Variants in FHIT observed in about 807,000 individuals in gnomAD.
FHIT encodes the protein fragile histidine triad diadenosine triphosphatase.
In FHIT, 19 loss-of-function variants were observed where a neutral mutation model predicts 17.9. That is an observed-to-expected ratio of 1.06 (90% CI 0.74 to 1.56). The LOEUF is 1.56. Ranked by LOEUF, FHIT falls within the 40% of genes most tolerant of loss-of-function variation. The pLI, the probability that FHIT is intolerant of heterozygous loss-of-function variation, is 0.00. For missense variants in FHIT, 248 were observed against 189.2 expected (o/e 1.31, Z -1.82); for synonymous variants, 81 against 69.7 (o/e 1.16, Z -0.81).
intron 2 of FHIT, among the ~76,000 whole-genome samples, chr3:61,068,761 C>G (rs1371605695): frequency 6.6e-6 from 1 of 152,054 alleles, no homozygotes; most frequent in East Asian, 1.9e-4. Context: ...ATAAGAGAAC[C>G]AGAAGACTCT....
chr3:60,802,638 A>G (rs1469973467), intron 4 of FHIT, among the ~76,000 whole-genome samples: 2 of 152,186 alleles, frequency 1.3e-5, no homozygotes, highest in East Asian at 3.8e-4. Flanking sequence ...AAAAGCAAAG[A>G]AAAAAGAAAC....
chr3:60,217,733 C>G (rs975187030), intron 5 of FHIT, among the ~76,000 whole-genome samples: 13 of 152,126 alleles, frequency 8.5e-5, no homozygotes, highest in Non-Finnish European at 1.8e-4. Flanking sequence ...CCAAATGCAT[C>G]AAATTTCTCC....
chr3:60,506,450 C>T (rs1385027195), intron 5 of FHIT, among the ~76,000 whole-genome samples: 1 of 152,218 alleles, frequency 6.6e-6, no homozygotes, highest in Admixed American at 6.5e-5. Flanking sequence ...GGCAGATAAT[C>T]ATTTGTCTGA....
At chr3:60,737,416 T>C (rs1366428158) in intron 4 of FHIT, among the ~76,000 whole-genome samples, 1 of 152,258 alleles carries the variant, frequency 6.6e-6, no homozygotes, top group Non-Finnish European at 1.5e-5. Context: ...GAATTTTATA[T>C]TGTGAAGAAA....
chr3:60,401,121 C>T (rs773337537), intron 5 of FHIT, among the ~76,000 whole-genome samples: 16 of 152,082 alleles, frequency 1.1e-4, no homozygotes, highest in Non-Finnish European at 1.9e-4. Context: ...CTATCCATGA[C>T]TAAAGACATT....
At chr3:60,366,636 C>A (rs1183644471) in intron 5 of FHIT, among the ~76,000 whole-genome samples, 1 of 152,118 alleles carries the variant, frequency 6.6e-6, no homozygotes. Context: ...TAAAAGCAAG[C>A]TTTCTCTCAC....
At chr3:61,197,841 G>A (rs930608747) in intron 2 of FHIT, among the ~76,000 whole-genome samples, 3 of 152,070 alleles carry the variant, frequency 2.0e-5, no homozygotes, top group East Asian at 2.0e-4. Context: ...TGACTTCTCC[G>A]CTTCTCTTCT....
At chr3:60,077,841 TTAAA>T (rs1703101254) in intron 5 of FHIT, among the ~76,000 whole-genome samples, 3 of 152,144 alleles carry the variant, frequency 2.0e-5, no homozygotes, top group East Asian at 3.9e-4. Flanking sequence ...GAGTTTTTTG[TTAAA>T]TAAGTAGATT....
Position 60,254,068 on chromosome 3 carries a change from T to C in FHIT, c.104-239916A>G, listed in dbSNP as rs530836289. Among the ~76,000 whole-genome samples the C allele has an allele frequency of 4.6e-5, 7 of 152,288 alleles. No homozygotes were observed. The East Asian group carries it at 7.7e-4, about 17-fold the overall frequency. On this transcript the variant is annotated intron_variant, in intron 5 of 9. Transcript: ENST00000492590. ...TTTATCATATCTGCTTTCTCTCTTT[T>C]ACACACACAGACACACATATAGGCA...
intron 5 of FHIT, among the ~76,000 whole-genome samples, chr3:60,153,430 C>T (rs974715801): frequency 1.3e-5 from 2 of 150,744 alleles, no homozygotes; most frequent in Non-Finnish European, 2.9e-5. Context: ...GCTGAGCCCA[C>T]CTGTTTGGTT....
chr3:59,990,860 G>C (rs1709196910), intron 7 of FHIT, among the ~76,000 whole-genome samples: 1 of 152,050 alleles, frequency 6.6e-6, no homozygotes, highest in Admixed American at 6.6e-5. Flanking sequence ...TCATTATAGA[G>C]CTTTTGCCAT....
intron 2 of FHIT, among the ~76,000 whole-genome samples, chr3:61,158,685 C>T (rs1354146368): frequency 6.6e-6 from 1 of 152,154 alleles, no homozygotes; most frequent in Admixed American, 6.5e-5. Flanking sequence ...ATTTTGAGGA[C>T]ATTTTTACAA....
At chr3:60,418,342 A>C (rs1702326157) in intron 5 of FHIT, among the ~76,000 whole-genome samples, 1 of 144,692 alleles carries the variant, frequency 6.9e-6, no homozygotes, top group African/African-American at 2.5e-5. Context: ...ATATTAATAC[A>C]TATACAAACC....
intron 1 of FHIT, among the ~76,000 whole-genome samples, chr3:61,249,933 AACACACACACACACACACAC>A (rs71100943): frequency 0.034 from 4,257 of 126,118 alleles, 78 homozygotes; most frequent in Non-Finnish European, 0.048. Flanking sequence ...AATCAATAAC[AACACACACACACACACACAC>A]ACACACACAC....
chr3:60,179,607 C>G (rs778719049), intron 5 of FHIT, among the ~76,000 whole-genome samples: 5 of 151,692 alleles, frequency 3.3e-5, no homozygotes, highest in Non-Finnish European at 7.4e-5. Context: ...GACAGGAAAA[C>G]TTATAAGAAA....
At chr3:60,169,961 A>T (rs1701345320) in intron 5 of FHIT, among the ~76,000 whole-genome samples, 1 of 152,238 alleles carries the variant, frequency 6.6e-6, no homozygotes, top group Non-Finnish European at 1.5e-5. Context: ...ATGACAATGT[A>T]GCACATGGAA....
intron 5 of FHIT, among the ~76,000 whole-genome samples, chr3:60,351,750 GCT>G (rs1481278193): frequency 1.8e-4 from 28 of 152,154 alleles, no homozygotes; most frequent in African/African-American, 6.0e-4. Context: ...CTAGTACTCA[GCT>G]CGCAAGGAAA....
At chr3:60,039,752 C>T (rs1053893291) in intron 5 of FHIT, among the ~76,000 whole-genome samples, 15 of 152,196 alleles carry the variant, frequency 9.9e-5, no homozygotes, top group Non-Finnish European at 2.1e-4. Context: ...GATAGTATCT[C>T]AGGCAGTGCA....
Position 60,417,710 on chromosome 3 carries a change from A to T in FHIT, c.103+119150T>A, listed in dbSNP as rs535923024. Among the ~76,000 whole-genome samples, 35 of 152,308 alleles carry T rather than the reference A, an allele frequency of 2.3e-4. 1 individual carries two copies. Among genetic ancestry groups the T allele is most frequent in the African/African-American group, 7.9e-4 (33 of 41,568 alleles). On this transcript the variant is annotated intron_variant, in intron 5 of 9. Coordinates refer to ENST00000492590, the MANE Select transcript of FHIT (RefSeq NM_002012.4). ...TGTTCCCGGGGCTCTGATCAGCATT[A>T]GCCTGACTAACCAGATCAGAGAAGA...
Sources: gnomAD v4.1 joint callset for allele counts (sites outside exome capture counted in the v4.1 genomes callset) on GRCh38, gnomAD v4.1.1 for gene constraint, MANE v1.5 for transcripts, NCBI Gene and HGNC (gene_info 2026-07-23, HGNC 2026-07-21) for gene names.